The following CTBP2 variants were observed in gnomAD, a reference collection of about 807,000 sequenced individuals.
CTBP2 encodes the protein C-terminal-binding protein 2.
A neutral mutation model predicts 80.3 loss-of-function variants in CTBP2; 30 were observed. That is an observed-to-expected ratio of 0.37 (90% CI 0.28 to 0.51). The LOEUF (loss-of-function observed/expected upper bound fraction) is 0.51, where lower values mean the gene tolerates loss of function less well. CTBP2 is among the 20% of genes least tolerant of loss of function. The pLI is 0.93. For missense variants in CTBP2, 1,212 were observed against 1,375.3 expected (o/e 0.88, Z 1.88); for synonymous variants, 594 against 587.4 (o/e 1.01, Z -0.16).
At chr10:125,006,156 G>A (rs1590020353) in intron 1 of CTBP2, 1 of 432,554 alleles carries the variant, frequency 2.3e-6, no homozygotes, top group Non-Finnish European at 3.6e-6. Flanking sequence ...CTGATGGCCG[G>A]GCACGCAGAA....
intron 3 of CTBP2, among the ~76,000 whole-genome samples, chr10:125,033,381 G>A (rs866117213): frequency 1.3e-5 from 2 of 152,204 alleles, no homozygotes; most frequent in Admixed American, 6.5e-5. Context: ...CCTCGAGCGC[G>A]CACGCCAAGG....
At chr10:125,034,521 A>C (rs1361938582) in intron 3 of CTBP2, among the ~76,000 whole-genome samples, 3 of 152,268 alleles carry the variant, frequency 2.0e-5, no homozygotes, top group Non-Finnish European at 4.4e-5. Context: ...GGAAATGTGC[A>C]TAATTGCCTG....
chr10:125,030,832 T>G (rs1958095636), upstream of CTBP2, among the ~76,000 whole-genome samples: 1 of 152,182 alleles, frequency 6.6e-6, no homozygotes, highest in Non-Finnish European at 1.5e-5. Flanking sequence ...CTGAAGGAAC[T>G]TAAGGAACAG....
At chr10:125,033,405 G>C (rs1958476467) in intron 3 of CTBP2, among the ~76,000 whole-genome samples, 1 of 152,180 alleles carries the variant, frequency 6.6e-6, no homozygotes, top group Non-Finnish European at 1.5e-5. Context: ...CTGAGCTTTA[G>C]TAGCAAGCGA....
intron 1 of CTBP2, among the ~76,000 whole-genome samples, chr10:125,134,610 A>C (rs1856672140): frequency 6.6e-6 from 1 of 152,178 alleles, no homozygotes; most frequent in Non-Finnish European, 1.5e-5. Flanking sequence ...CTGGAGAACC[A>C]GGCTGGCAGG....
rs779181552 is a variant in CTBP2, at chr10:124,986,420, C to T, written c.*3098G>A. On this transcript the variant is annotated 3_prime_UTR_variant, in exon 9 of 9. Transcript: ENST00000309035. Reference sequence around the variant, plus strand: ...GTTGATAATGAAATGTGTACAACCTCAAATTTGCTGCCAGAATACTAAAAA... The same window carrying T: ...GTTGATAATGAAATGTGTACAACCTTAAATTTGCTGCCAGAATACTAAAAA... 2.0e-5 allele frequency: 3 copies of T among 152,344 alleles called. No individual in the cohort carries two copies. Among genetic ancestry groups the T allele is most frequent in the Non-Finnish European group, 2.9e-5 (2 of 68,020 alleles). The allele number at this position is 152,344 out of a possible 1,614,324, so 9.4% of individuals were successfully genotyped here.
intron 2 of CTBP2, among the ~76,000 whole-genome samples, chr10:125,046,198 A>T (rs184651926): frequency 4.2e-4 from 64 of 152,294 alleles, no homozygotes; most frequent in Non-Finnish European, 6.5e-4. Context: ...TAGACTCAAC[A>T]ATTTAGGGCA....
At chr10:125,149,375 T>C (rs6597883) in intron 1 of CTBP2, among the ~76,000 whole-genome samples, 34,116 of 152,016 alleles carry the variant, frequency 0.22, 5,056 homozygotes, top group African/African-American at 0.42. Context: ...TGGAGTGAAG[T>C]GGAAGGAGAC....
At chr10:125,096,411 G>T (rs1326908160) in intron 2 of CTBP2, among the ~76,000 whole-genome samples, 1 of 152,168 alleles carries the variant, frequency 6.6e-6, no homozygotes, top group East Asian at 1.9e-4. Context: ...CATGATTTGA[G>T]ACTATCGCCT....
chr10:125,037,242 G>C (rs992399843), intron 3 of CTBP2, among the ~76,000 whole-genome samples: 5 of 152,182 alleles, frequency 3.3e-5, no homozygotes, highest in African/African-American at 1.2e-4. Context: ...GCAGACAATG[G>C]TTTTGCCCAA....
At chr10:124,996,809 C>G (rs993916289) in intron 4 of CTBP2, 1 of 152,196 alleles carries the variant, frequency 6.6e-6, no homozygotes, top group Non-Finnish European at 1.5e-5. Flanking sequence ...GGGGCCCGGA[C>G]AGAGGGAGCC....
At chr10:125,104,633 C>T (rs1029622617) in intron 2 of CTBP2, among the ~76,000 whole-genome samples, 2 of 152,164 alleles carry the variant, frequency 1.3e-5, no homozygotes, top group African/African-American at 4.8e-5. Flanking sequence ...ACACAAATGC[C>T]GATGAATTAC....
At chr10:125,142,116 G>C (rs1857934639) in intron 1 of CTBP2, among the ~76,000 whole-genome samples, 1 of 152,190 alleles carries the variant, frequency 6.6e-6, no homozygotes, top group Admixed American at 6.5e-5. Context: ...CCACTCTTGG[G>C]TTTGCAGGGG....
At position 124,995,528 on chromosome 10, in the gene CTBP2, GAGA is replaced by G. The variant is rs1953361078; in HGVS notation, c.2186-848_2186-846del. ...AGCCATGGCTCCAAGGTGCAGGCAG[GAGA>G]AGGACAAAGATGCGCATTTCCGAGC... On this transcript the variant is annotated intron_variant, in intron 4 of 8. Coordinates refer to ENST00000309035, the MANE Select transcript of CTBP2 (RefSeq NM_022802.3). Among the ~76,000 whole-genome samples, 5 of 152,328 alleles carry G rather than the reference GAGA, an allele frequency of 3.3e-5. No individual in the cohort carries two copies. The South Asian group carries it at 1.0e-3, about 32-fold the overall frequency.
chr10:125,123,314 T>C (rs773217298), intron 1 of CTBP2, among the ~76,000 whole-genome samples: 4 of 152,168 alleles, frequency 2.6e-5, no homozygotes, highest in Non-Finnish European at 5.9e-5. Flanking sequence ...CATGTTACAC[T>C]AGGGATTTCT....
chr10:125,004,334 C>T (rs1041877559), intron 1 of CTBP2, among the ~76,000 whole-genome samples: 1 of 152,238 alleles, frequency 6.6e-6, no homozygotes, highest in Non-Finnish European at 1.5e-5. Flanking sequence ...GGCAGACACC[C>T]TGCGGGGCCC....
chr10:125,147,415 C>A (rs1022284855), intron 1 of CTBP2, among the ~76,000 whole-genome samples: 2 of 152,138 alleles, frequency 1.3e-5, no homozygotes, highest in African/African-American at 4.8e-5. Flanking sequence ...TTTTACTGAG[C>A]GTTTCTTGGA....
At position 125,113,014 on chromosome 10, in the gene CTBP2, G is replaced by A. The variant is rs968553737; in HGVS notation, c.-205-1921C>T. 7.9e-5 allele frequency among the ~76,000 whole-genome samples: 12 copies of A among 152,178 alleles called. 1 individual carries two copies. The highest frequency in any genetic ancestry group is 2.7e-4 in the African/African-American group (11 of 41,436). Reference sequence around the variant, plus strand: ...CTAGAACCAAGTCACTGGCAGGAAGGACTCTGAAGAACTACTCAGGAAAAG... The same window carrying A: ...CTAGAACCAAGTCACTGGCAGGAAGAACTCTGAAGAACTACTCAGGAAAAG... On this transcript the variant is annotated intron_variant, in intron 1 of 10. Coordinates refer to the CTBP2 transcript ENST00000337195.
chr10:124,998,219 T>A (rs780713133), intron 3 of CTBP2, 49 bp from the exon 6 acceptor site: 22 of 1,553,540 alleles, frequency 1.4e-5, no homozygotes, highest in Non-Finnish European at 1.9e-5. Flanking sequence ...TCAAGATCAG[T>A]GGGGAAGCCC....
Sources: allele counts gnomAD v4.1 joint callset (sites outside exome capture counted in the v4.1 genomes callset), GRCh38; gene constraint gnomAD v4.1.1; transcripts MANE v1.5; gene names NCBI Gene and HGNC (gene_info 2026-07-23, HGNC 2026-07-21).